RNF125: variants seen among roughly 807,000 people sequenced by gnomAD.
RNF125 encodes the protein E3 ubiquitin-protein ligase RNF125.
RNF125 carries 21 observed loss-of-function variants against 26.0 expected under a neutral mutation model. The observed-to-expected ratio is 0.81, with a 90% CI of 0.57 to 1.16. The LOEUF (loss-of-function observed/expected upper bound fraction) is 1.16. Among genes scored for constraint, RNF125 ranks in the 50% most tolerant of loss-of-function variants. The probability of loss-of-function intolerance (pLI) is 0.00; values close to 1 mark genes in which losing one functional copy is unlikely to be tolerated. For synonymous variants in RNF125, 95 were observed against 109.2 expected (o/e 0.87, Z 0.81); for missense variants, 270 against 299.4 (o/e 0.90, Z 0.72).
At chr18:32,085,723 AAG>A in the RNF125 span, among the ~76,000 whole-genome samples, 9 of 146,304 alleles carry the variant, frequency 6.2e-5, 1 homozygote, top group African/African-American at 2.4e-4. Flanking sequence ...AAAAAAAAAA[AAG>A]AGAGAGAGAA....
At chr18:32,033,162 C>T (rs980484024) in intron 1 of RNF125, among the ~76,000 whole-genome samples, 4 of 152,082 alleles carry the variant, frequency 2.6e-5, no homozygotes, top group South Asian at 2.1e-4. Context: ...GTGGGTTTAA[C>T]GGAGTTAAGT....
At chr18:32,027,955 T>C (rs527628043) in intron 1 of RNF125, among the ~76,000 whole-genome samples, 89 of 151,942 alleles carry the variant, frequency 5.9e-4, no homozygotes, top group Non-Finnish European at 1.6e-4. Flanking sequence ...GGGGCAAAGC[T>C]GTTCTTGTTA....
intron 1 of RNF125, among the ~76,000 whole-genome samples, chr18:32,033,044 T>C (rs1355344853): frequency 6.6e-6 from 1 of 152,098 alleles, no homozygotes; most frequent in Non-Finnish European, 1.5e-5. Context: ...AATGTAGAAA[T>C]TGAACCACTG....
intron 1 of RNF125, among the ~76,000 whole-genome samples, chr18:32,019,320 CCCAGAG>C (rs1568189630): frequency 6.6e-6 from 1 of 152,084 alleles, no homozygotes; most frequent in African/African-American, 2.4e-5. Flanking sequence ...ACGGGTCCCG[CCCAGAG>C]CCAGGGCTCG....
At chr18:32,085,569 CG>C in the RNF125 span, among the ~76,000 whole-genome samples, 2,689 of 151,788 alleles carry the variant, frequency 0.018, 75 homozygotes, top group African/African-American at 0.062. Context: ...GGTGTGGCGG[CG>C]GGTGCCTGTA....
chr18:32,058,395 G>T (rs957900620), intron 4 of RNF125, among the ~76,000 whole-genome samples: 1 of 151,902 alleles, frequency 6.6e-6, no homozygotes, highest in Admixed American at 6.6e-5. Flanking sequence ...GCCCAGGCTA[G>T]AGTGCAGTGG....
chr18:32,075,780 T>C, downstream of RNF125: 1 of 555,732 alleles, frequency 1.8e-6, no homozygotes, highest in Non-Finnish European at 3.2e-6. Flanking sequence ...CATGCCACCT[T>C]TTCACTGCTT....
chr18:32,058,726 A>G (rs1266386490), intron 4 of RNF125, among the ~76,000 whole-genome samples: 1 of 152,074 alleles, frequency 6.6e-6, no homozygotes, highest in East Asian at 1.9e-4. Flanking sequence ...TATACATTCT[A>G]TCTAACTATA....
intron 4 of RNF125, among the ~76,000 whole-genome samples, chr18:32,049,978 A>T (rs75066549): frequency 0.14 from 21,272 of 152,112 alleles, 1,573 homozygotes; most frequent in Middle Eastern, 0.23. Flanking sequence ...GCTGGGTCCA[A>T]TGCTGATTCT....
At chr18:32,029,384 C>T (rs1009758960) in intron 1 of RNF125, among the ~76,000 whole-genome samples, 6 of 149,774 alleles carry the variant, frequency 4.0e-5, no homozygotes, top group South Asian at 2.1e-4. Context: ...CTCAGCACTT[C>T]GGGAGGCTGA....
At chr18:32,020,333 C>T (rs1393679800) in intron 1 of RNF125, among the ~76,000 whole-genome samples, 1 of 151,468 alleles carries the variant, frequency 6.6e-6, no homozygotes, top group Non-Finnish European at 1.5e-5. Context: ...AAGGTGTGAG[C>T]CACTGCACCC....
rs2039226792 is a variant in RNF125, at chr18:32,042,135, C to T, written c.319-44C>T. Reference sequence around the variant, plus strand: ...CTGGATCGCATAAGCTTTCATTGAGCCCTTTTTTAACAGTGAGTTTATTTT... The same window carrying T: ...CTGGATCGCATAAGCTTTCATTGAGTCCTTTTTTAACAGTGAGTTTATTTT... On this transcript the variant is annotated intron_variant, in intron 2 of 5. Coordinates refer to ENST00000217740, the MANE Select transcript of RNF125 (RefSeq NM_017831.4). 5.1e-6 allele frequency: 7 copies of T among 1,385,770 alleles called. No homozygotes were observed. The South Asian group carries it at 7.2e-5, about 14-fold the overall frequency. The allele number at this position is 1,385,770 out of a possible 1,614,324, so 85.8% of individuals were successfully genotyped here. A position where few individuals can be genotyped will look rare whatever the true frequency, so the allele number is the denominator to read the frequency against.
chr18:32,020,661 C>T (rs886845317), intron 1 of RNF125, among the ~76,000 whole-genome samples: 1 of 151,746 alleles, frequency 6.6e-6, no homozygotes, highest in Non-Finnish European at 1.5e-5. Flanking sequence ...GTAATCCTAG[C>T]ACTTTGGGAA....
intron 3 of RNF125, 52 bp from the exon 4 acceptor site, chr18:32,045,590 C>T: frequency 2.4e-6 from 3 of 1,226,680 alleles, no homozygotes; most frequent in Middle Eastern, 2.0e-4. Context: ...AAAGTGACTA[C>T]TATCTAGTTG....
intron 3 of RNF125, among the ~76,000 whole-genome samples, chr18:32,043,310 A>G (rs541779127): frequency 6.4e-4 from 97 of 152,330 alleles, no homozygotes; most frequent in Middle Eastern, 6.8e-3. Flanking sequence ...TAATCTGCCT[A>G]TGGATTCATG....
chr18:32,075,816 T>C, downstream of RNF125: 1 of 643,950 alleles, frequency 1.6e-6, no homozygotes, highest in Non-Finnish European at 2.7e-6. Flanking sequence ...CCTCCATTGT[T>C]TTCTTTGTTG....
At chr18:32,055,805 A>C (rs1036443387) in intron 4 of RNF125, among the ~76,000 whole-genome samples, 2 of 151,308 alleles carry the variant, frequency 1.3e-5, no homozygotes, top group Non-Finnish European at 1.5e-5. Context: ...ACATGGAGAA[A>C]TCCGTCTCTA....
intron 4 of RNF125, among the ~76,000 whole-genome samples, chr18:32,063,579 C>G (rs1170421277): frequency 6.6e-6 from 1 of 152,132 alleles, no homozygotes. Context: ...GAAAATTTAT[C>G]CTAGAGAAAT....
Position 32,068,327 on chromosome 18 carries a change from C to T in RNF125, c.642C>T (p.Ile214=). The change falls in exon 6 of 6, where the codon ATC becomes ATT. Residue 214 remains isoleucine, a synonymous_variant. Transcript: ENST00000217740. Reference sequence around the variant, plus strand: ...TTAATATAATTGAGGAAGCTCTTATCCGAAGAGTCTTAGACCGGTCACTTC... The same window carrying T: ...TTAATATAATTGAGGAAGCTCTTATTCGAAGAGTCTTAGACCGGTCACTTC... ...IDFNIIEEAL[I]RRVLDRSLLE... 1 of 1,585,282 alleles carries T rather than the reference C, an allele frequency of 6.3e-7. No homozygotes were observed. Among genetic ancestry groups the T allele is most frequent in the East Asian group, 2.2e-5 (1 of 44,686 alleles).
Sources: gnomAD v4.1 joint callset for allele counts (sites outside exome capture counted in the v4.1 genomes callset) on GRCh38, gnomAD v4.1.1 for gene constraint, MANE v1.5 for transcripts, NCBI Gene and HGNC (gene_info 2026-07-23, HGNC 2026-07-21) for gene names.